SEMA6A: variants seen among roughly 807,000 people sequenced by gnomAD.
SEMA6A encodes the protein semaphorin 6A, also known as semaphorin-6A.
Under a neutral mutation model 96.8 loss-of-function variants are expected in SEMA6A, and 25 were observed. The ratio of observed to expected loss-of-function variants is 0.26; its 90% CI spans 0.19 to 0.36. The LOEUF is 0.36. SEMA6A is among the 10% of genes least tolerant of loss of function. SEMA6A has a pLI of 1.00. For missense variants in SEMA6A, 1,363 were observed against 1,323.1 expected, an observed-to-expected ratio of 1.03 and a Z score of -0.47; for synonymous variants, 612 against 518.0, an observed-to-expected ratio of 1.18 and a Z score of -2.46.
Position 116,447,293 on chromosome 5 carries a change from G to T in SEMA6A, c.2413C>A (p.Leu805Met), listed in dbSNP as rs376028528. 6.2e-7 allele frequency: 1 copy of T among 1,613,816 alleles called. No individual in the cohort carries two copies. The highest frequency in any genetic ancestry group is 8.5e-7 in the Non-Finnish European group (1 of 1,179,902). Residue 805 changes from leucine (L) to methionine (M), a missense_variant, in exon 19 of 19, where the codon CTG (leucine) becomes ATG (methionine). Physicochemically the swap from Leu to Met is conservative, Grantham distance 15 (BLOSUM62 2). This residue lies in a region of SEMA6A where 883 missense variants were observed against 763.6 expected (regional missense o/e 1.16). Coordinates refer to ENST00000343348, the MANE Select transcript of SEMA6A (RefSeq NM_020796.5). ...GGGATGTGGCTGGGGGAGGCCCGCA[G>T]GGGCAGGTCCGTGGGAATCACAGGG... ...GSPVIPTDLP[L>M]RASPSHIPSV...
intron 1 of SEMA6A, among the ~76,000 whole-genome samples, chr5:116,510,905 G>A (rs1045649491): frequency 1.3e-5 from 2 of 152,146 alleles, no homozygotes; most frequent in Admixed American, 6.5e-5. Context: ...GGAAGTGGGG[G>A]TCTACTGAGT....
rs1427583579 is a variant in SEMA6A at position 116,472,721 on chromosome 5, G to A, written c.1729+352C>T. The A allele has an allele frequency of 7.0e-6, 4 of 570,792 alleles. No homozygotes were observed. In the African/African-American group the frequency reaches 7.8e-5, roughly 11 times the overall value. 35.4% of individuals were successfully genotyped at this position (570,792 alleles called of 1,614,324 possible). A position where few individuals can be genotyped will look rare whatever the true frequency, so the allele number is the denominator to read the frequency against. On this transcript the variant is annotated intron_variant, in intron 17 of 18. Transcript: ENST00000343348. ...CCACATCAATTGTCTCACATAGGCA[G>A]AGTAATTTTTGAAGGACGGTGAAAT...
At chr5:116,509,262 A>G (rs1296030977) in intron 1 of SEMA6A, among the ~76,000 whole-genome samples, 1 of 152,160 alleles carries the variant, frequency 6.6e-6, no homozygotes, top group Non-Finnish European at 1.5e-5. Context: ...GCTTTTAACA[A>G]CTCCAAGTGT....
At chr5:116,558,272 T>C (rs931856396) in intron 1 of SEMA6A, among the ~76,000 whole-genome samples, 1 of 152,206 alleles carries the variant, frequency 6.6e-6, no homozygotes, top group African/African-American at 2.4e-5. Flanking sequence ...AAGATAAATA[T>C]AGAATACCCA....
At chr5:116,489,147 GA>G in intron 7 of SEMA6A, 140 bp from the exon 8 acceptor site, 3 of 970,894 alleles carry the variant, frequency 3.1e-6, no homozygotes, top group Non-Finnish European at 4.3e-6. Flanking sequence ...GAGTCGCTGG[GA>G]AAACTCTTGG....
intron 15 of SEMA6A, among the ~76,000 whole-genome samples, chr5:116,475,832 T>G (rs1290968497): frequency 6.6e-6 from 1 of 152,186 alleles, no homozygotes; most frequent in Non-Finnish European, 1.5e-5. Context: ...CAGATATTAT[T>G]CAGGGAGATA....
rs529456638 is a variant in SEMA6A at position 116,567,005 on chromosome 5, T to C, written c.-39+7180A>G. 4.7e-4 allele frequency among the ~76,000 whole-genome samples: 71 copies of C among 152,282 alleles called. 1 individual carries two copies. Among genetic ancestry groups the C allele is most frequent in the African/African-American group, 1.7e-3 (69 of 41,558 alleles). On this transcript the variant is annotated intron_variant, in intron 1 of 18. Transcript: ENST00000343348. ...TTGGGAATTCAACTCATCCCTAAAA[T>C]TGTCATTATGAGTTGCTTTCAGATT...
intron 3 of SEMA6A, among the ~76,000 whole-genome samples, chr5:116,497,921 G>A (rs1278153127): frequency 6.6e-6 from 1 of 152,158 alleles, no homozygotes; most frequent in East Asian, 1.9e-4. Context: ...ATTTCCAGAA[G>A]CCACTCTTTT....
At chr5:116,511,305 T>C (rs1345207812) in intron 1 of SEMA6A, among the ~76,000 whole-genome samples, 1 of 152,182 alleles carries the variant, frequency 6.6e-6, no homozygotes, top group East Asian at 1.9e-4. Flanking sequence ...AAGAAGTCTG[T>C]AGATGTCCAG....
At chr5:116,488,063 T>G (rs755335364) in intron 9 of SEMA6A, 45 bp downstream of exon 9, 1 of 1,270,270 alleles carries the variant, frequency 7.9e-7, no homozygotes, top group South Asian at 1.3e-5. Flanking sequence ...GGTGTGGGTT[T>G]CTGAAAATGT....
intron 18 of SEMA6A, among the ~76,000 whole-genome samples, chr5:116,448,263 T>C (rs1310948455): frequency 1.3e-5 from 2 of 151,630 alleles, no homozygotes; most frequent in East Asian, 3.9e-4. Flanking sequence ...GAGAATTGTT[T>C]GAACCTGGGA....
chr5:116,549,384 C>T (rs115159776), intron 1 of SEMA6A, among the ~76,000 whole-genome samples: 3,096 of 152,190 alleles, frequency 0.02, 43 homozygotes, highest in Middle Eastern at 0.031. Context: ...ATGCTTATCT[C>T]CTGGAGAAGA....
Position 116,482,518 on chromosome 5 carries a change from A to G in SEMA6A, c.1020T>C (p.Thr340=). Residue 340 remains threonine (T), a synonymous_variant, in exon 11 of 19, where the codon ACT becomes ACC. Coordinates refer to ENST00000343348, the MANE Select transcript of SEMA6A (RefSeq NM_020796.5). ...YDMLDIASVF[T]GRFKEQKSPD... is the part of the protein sequence containing the mutation. Reference sequence around the variant, plus strand: ...GAGACTTCTGTTCCTTGAATCTCCCAGTAAAAACACTGGCAATGTCAAGCA... The same window carrying G: ...GAGACTTCTGTTCCTTGAATCTCCCGGTAAAAACACTGGCAATGTCAAGCA... 1.2e-6 allele frequency: 2 copies of G among 1,613,698 alleles called. No homozygotes were observed. The highest frequency in any genetic ancestry group is 3.3e-4 in the Middle Eastern group (2 of 6,060).
At chr5:116,519,311 A>C (rs569025012) in intron 1 of SEMA6A, among the ~76,000 whole-genome samples, 9 of 152,200 alleles carry the variant, frequency 5.9e-5, no homozygotes, top group Non-Finnish European at 8.8e-5. Flanking sequence ...ATTCTATTCC[A>C]AAGGAACACT....
intron 1 of SEMA6A, among the ~76,000 whole-genome samples, chr5:116,569,762 G>A (rs185398138): frequency 1.6e-3 from 241 of 152,206 alleles, no homozygotes; most frequent in African/African-American, 5.2e-3. Flanking sequence ...TTTGGGGGCC[G>A]GCAACTCAAA....
rs200109542 is a variant in SEMA6A at position 116,477,978 on chromosome 5, T to C, written c.1568+36A>G. ...ACCTAGGACTGTTTCCTAGCCACCATGGACTTTCTAATTGTCAATGAGGCA... is the reference window on the plus strand; with the variant it reads ...ACCTAGGACTGTTTCCTAGCCACCACGGACTTTCTAATTGTCAATGAGGCA... On this transcript the variant is annotated intron_variant, in intron 14 of 18. Transcript: ENST00000343348. 64 of 1,613,986 alleles carry C rather than the reference T, an allele frequency of 4.0e-5. No individual in the cohort carries two copies. In the African/African-American group the frequency reaches 7.6e-4, roughly 19 times the overall value.
intron 18 of SEMA6A, among the ~76,000 whole-genome samples, chr5:116,461,352 C>G (rs1320469739): frequency 6.6e-6 from 1 of 152,116 alleles, no homozygotes; most frequent in Non-Finnish European, 1.5e-5. Context: ...AAGACAGGAG[C>G]CCTTTTTCTG....
At chr5:116,565,234 G>T (rs922023922) in intron 1 of SEMA6A, among the ~76,000 whole-genome samples, 3 of 152,218 alleles carry the variant, frequency 2.0e-5, no homozygotes, top group African/African-American at 7.2e-5. Context: ...GACACTCTCA[G>T]AAGTTGCCTC....
chr5:116,524,789 GACACACACACAC>G (rs1379145592), intron 1 of SEMA6A, among the ~76,000 whole-genome samples: 11 of 130,594 alleles, frequency 8.4e-5, no homozygotes, highest in African/African-American at 3.7e-4. Flanking sequence ...CACACACACA[GACACACACACAC>G]ACACAATTTT....
Sources: gnomAD v4.1 joint callset for allele counts (sites outside exome capture counted in the v4.1 genomes callset) on GRCh38, gnomAD v4.1.1 for gene constraint, gnomAD v4.1.1 regional missense constraint, MANE v1.5 for transcripts, NCBI Gene and HGNC (gene_info 2026-07-23, HGNC 2026-07-21) for gene names.